The following SSBP2 variants were observed in gnomAD, a reference collection of about 807,000 sequenced individuals.
The protein encoded by SSBP2 is single stranded DNA binding protein 2, also known as single-stranded DNA-binding protein 2.
In SSBP2, 17 loss-of-function variants were observed where a neutral mutation model predicts 61.8. That is an observed-to-expected ratio of 0.28 (90% CI 0.19 to 0.41). The LOEUF is 0.41. Ranked by LOEUF, SSBP2 falls within the 10% of genes least tolerant of loss-of-function variation. The probability of loss-of-function intolerance (pLI) is 1.00; values close to 1 mark genes in which losing one functional copy is unlikely to be tolerated. For missense variants in SSBP2, 310 were observed against 458.7 expected (o/e 0.68, Z 2.96); for synonymous variants, 139 against 141.3 (o/e 0.98, Z 0.12).
chr5:81,495,898 C>T (rs1158926369), intron 5 of SSBP2, among the ~76,000 whole-genome samples: 1 of 151,648 alleles, frequency 6.6e-6, no homozygotes, highest in African/African-American at 2.4e-5. Flanking sequence ...GTAAAAAAAA[C>T]CCTCTAAAAT....
intron 4 of SSBP2, among the ~76,000 whole-genome samples, chr5:81,555,370 T>A (rs1772513977): frequency 6.6e-6 from 1 of 152,088 alleles, no homozygotes; most frequent in African/African-American, 2.4e-5. Flanking sequence ...TTGTTTTTTA[T>A]GGAAAGTCAT....
intron 1 of SSBP2, among the ~76,000 whole-genome samples, chr5:81,690,104 A>G (rs1693596819): frequency 6.6e-6 from 1 of 152,088 alleles, no homozygotes; most frequent in Non-Finnish European, 1.5e-5. Context: ...ACAGATAAAC[A>G]AAAAAATAAA....
At chr5:81,600,574 A>C (rs991653785) in intron 4 of SSBP2, among the ~76,000 whole-genome samples, 10 of 151,098 alleles carry the variant, frequency 6.6e-5, no homozygotes, top group Non-Finnish European at 1.3e-4. Context: ...AAAAAAAAAA[A>C]AAAAAACAAA....
At chr5:81,542,721 T>C (rs13173067) in intron 4 of SSBP2, among the ~76,000 whole-genome samples, 34,307 of 151,712 alleles carry the variant, frequency 0.23, 4,968 homozygotes, top group Middle Eastern at 0.37. Context: ...AAGGACCAGG[T>C]GGGAGGTGAT....
intron 4 of SSBP2, among the ~76,000 whole-genome samples, chr5:81,577,585 A>T (rs1774308234): frequency 6.6e-6 from 1 of 152,096 alleles, no homozygotes; most frequent in Admixed American, 6.5e-5. Context: ...TGAATGTAGG[A>T]TATATAGTAA....
chr5:81,420,535 T>TAG lies in SSBP2; in HGVS notation c.1057-4_1057-3dup. 4 of 1,613,230 alleles carry TAG rather than the reference T, an allele frequency of 2.5e-6. No homozygotes were observed. The highest frequency in any genetic ancestry group is 3.4e-6 in the Non-Finnish European group (4 of 1,179,244). On this transcript the variant is annotated splice_polypyrimidine_tract_variant and splice_region_variant and intron_variant, in intron 16 of 16. Coordinates refer to ENST00000320672, the MANE Select transcript of SSBP2 (RefSeq NM_012446.5). ...GCTCATTGTCATGCTAGGGGAGTAC[T>TAG]AGAAGGAAAGAAGAATCCATATTTT...
chr5:81,711,825 C>T (rs189077011), intron 1 of SSBP2, among the ~76,000 whole-genome samples: 4 of 152,088 alleles, frequency 2.6e-5, no homozygotes, highest in African/African-American at 9.6e-5. Flanking sequence ...CCTCCACTTC[C>T]TAGTTTAGCC....
At chr5:81,523,277 G>A (rs947219982) in intron 4 of SSBP2, among the ~76,000 whole-genome samples, 16 of 152,052 alleles carry the variant, frequency 1.1e-4, no homozygotes, top group Admixed American at 9.2e-4. Context: ...ACTTTAGGAG[G>A]TGGCCTTTGA....
chr5:81,427,321 T>A (rs1348127062), intron 16 of SSBP2, among the ~76,000 whole-genome samples: 1 of 147,522 alleles, frequency 6.8e-6, no homozygotes, highest in Admixed American at 6.7e-5. Context: ...ACAGGCTAAA[T>A]TTTTTTTTCA....
At chr5:81,610,107 G>A (rs1445008231) in intron 4 of SSBP2, among the ~76,000 whole-genome samples, 1 of 152,142 alleles carries the variant, frequency 6.6e-6, no homozygotes, top group African/African-American at 2.4e-5. Context: ...GTCGGGCTGG[G>A]GCATGCCCAG....
chr5:81,575,287 C>T (rs1774126646), intron 4 of SSBP2, among the ~76,000 whole-genome samples: 1 of 151,996 alleles, frequency 6.6e-6, no homozygotes, highest in South Asian at 2.1e-4. Flanking sequence ...AAAAAAAGCT[C>T]AGAGGTGCAG....
intron 4 of SSBP2, among the ~76,000 whole-genome samples, chr5:81,554,640 C>CT (rs1374350992): frequency 1.3e-5 from 2 of 151,820 alleles, no homozygotes; most frequent in Non-Finnish European, 2.9e-5. Context: ...AACCACTAGC[C>CT]TTTTTGACTT....
At chr5:81,525,186 T>A (rs989533340) in intron 4 of SSBP2, among the ~76,000 whole-genome samples, 22 of 152,096 alleles carry the variant, frequency 1.4e-4, no homozygotes, top group Non-Finnish European at 1.8e-4. Flanking sequence ...CACATTTTTT[T>A]AAAAAACTTT....
rs1023328432 is a variant in SSBP2 at position 81,418,636 on chromosome 5, C to A, written c.*1868G>T. 6.6e-6 allele frequency: 1 copy of A among 152,170 alleles called. No individual in the cohort carries two copies. Among genetic ancestry groups the A allele is most frequent in the Non-Finnish European group, 1.5e-5 (1 of 68,026 alleles). 9.4% of individuals were successfully genotyped at this position (152,170 alleles called of 1,614,324 possible). A position where few individuals can be genotyped will look rare whatever the true frequency, so the allele number is the denominator to read the frequency against. On this transcript the variant is annotated 3_prime_UTR_variant, in exon 17 of 17. Transcript: ENST00000320672. ...AACCTAGATGGTATAGGCTCCTACA[C>A]ACCTAGGCTATATAATATAAACTAT...
chr5:81,510,106 C>T (rs1049605912), intron 5 of SSBP2, among the ~76,000 whole-genome samples: 1 of 152,142 alleles, frequency 6.6e-6, no homozygotes, highest in East Asian at 1.9e-4. Context: ...TCTCCCTGGA[C>T]AATTCATCTA....
intron 3 of SSBP2, among the ~76,000 whole-genome samples, chr5:81,630,045 C>A (rs1421898488): frequency 1.3e-5 from 2 of 152,154 alleles, no homozygotes; most frequent in Non-Finnish European, 2.9e-5. Flanking sequence ...CAGAACAATT[C>A]TAATTTAAAA....
intron 1 of SSBP2, among the ~76,000 whole-genome samples, chr5:81,660,204 A>G (rs1250463792): frequency 6.6e-6 from 1 of 152,208 alleles, no homozygotes; most frequent in African/African-American, 2.4e-5. Context: ...CTGCACAGCA[A>G]AAGAAACTAG....
chr5:81,583,629 C>CAAA lies in SSBP2; in HGVS notation c.282+31841_282+31843dup, dbSNP rs56294944. ...TGGGCGACAGAGCGAGACACCGTCT[C>CAAA]AAAAAAAAAAAAAAAAAAAGTAGCC... On this transcript the variant is annotated intron_variant, in intron 4 of 16. Transcript: ENST00000320672. 4.9e-3 allele frequency among the ~76,000 whole-genome samples: 381 copies of CAAA among 77,308 alleles called. 3 individuals carry two copies. Among genetic ancestry groups the CAAA allele is most frequent in the Non-Finnish European group, 7.1e-3 (275 of 38,814 alleles). The allele number at this position is 77,308 out of a possible 152,430, so 50.7% of individuals were successfully genotyped here.
chr5:81,519,875 C>T (rs946102039), intron 4 of SSBP2, among the ~76,000 whole-genome samples: 2 of 152,078 alleles, frequency 1.3e-5, no homozygotes, highest in African/African-American at 4.8e-5. Context: ...TACTTTTTTT[C>T]TGTTTCATTA....
Sources: allele counts gnomAD v4.1 joint callset (sites outside exome capture counted in the v4.1 genomes callset), GRCh38; gene constraint gnomAD v4.1.1; transcripts MANE v1.5; gene names NCBI Gene and HGNC (gene_info 2026-07-23, HGNC 2026-07-21).